Variants in TRABD2B observed in about 807,000 individuals in gnomAD.
TRABD2B encodes metalloprotease TIKI2.
A neutral mutation model predicts 40.1 loss-of-function variants in TRABD2B; 14 were observed. The observed-to-expected ratio is 0.35, with a 90% CI of 0.23 to 0.55. TRABD2B has a LOEUF of 0.55. Among genes scored for constraint, TRABD2B ranks in the 20% least tolerant of loss-of-function variants. The pLI is 0.90. For synonymous variants in TRABD2B, 263 were observed against 277.0 expected (o/e 0.95, Z 0.50); for missense variants, 541 against 648.6 (o/e 0.83, Z 1.80).
chr1:47,837,964 G>A (rs1413232280), intron 2 of TRABD2B, among the ~76,000 whole-genome samples: 3 of 152,178 alleles, frequency 2.0e-5, no homozygotes, highest in Non-Finnish European at 4.4e-5. Flanking sequence ...GCCAGCACGG[G>A]GATTCAAGTA....
At chr1:47,871,380 G>A (rs1300675667) in intron 2 of TRABD2B, among the ~76,000 whole-genome samples, 1 of 152,144 alleles carries the variant, frequency 6.6e-6, no homozygotes, top group Non-Finnish European at 1.5e-5. Flanking sequence ...TTTGAAATCT[G>A]ACAGGAGGCA....
intron 6 of TRABD2B, among the ~76,000 whole-genome samples, chr1:47,767,756 G>A (rs982141288): frequency 2.0e-5 from 3 of 152,228 alleles, no homozygotes; most frequent in Non-Finnish European, 4.4e-5. Context: ...CAGCATGCGT[G>A]CCTTCCTGCC....
intron 2 of TRABD2B, among the ~76,000 whole-genome samples, chr1:47,801,960 T>A (rs1242901350): frequency 1.3e-5 from 2 of 152,202 alleles, no homozygotes; most frequent in East Asian, 3.8e-4. Context: ...TCCTTTGTGT[T>A]CCTGTGCTTA....
At position 47,853,788 on chromosome 1, in the gene TRABD2B, A is replaced by G. The variant is rs183102751; in HGVS notation, c.667-52169T>C. 6.5e-4 allele frequency among the ~76,000 whole-genome samples: 99 copies of G among 152,336 alleles called. 1 individual carries two copies. The highest frequency in any genetic ancestry group is 2.3e-3 in the African/African-American group (96 of 41,590). On this transcript the variant is annotated intron_variant, in intron 2 of 6. Transcript: ENST00000606738. ...ACACAAGCTTAAGCCCCTCTGGCCT[A>G]GAAAACCATAACAAGACTTCTAACT...
Position 47,969,622 on chromosome 1 carries a change from C to T in TRABD2B, c.666+24412G>A, listed in dbSNP as rs1645651989. Among the ~76,000 whole-genome samples, 3 of 152,176 alleles carry T rather than the reference C, an allele frequency of 2.0e-5. No individual in the cohort carries two copies. In the South Asian group the frequency reaches 6.2e-4, roughly 32 times the overall value. ...AGAGACCTCTCAGTCACTGATGTTT[C>T]CCCACACCCAGGTCAGTGACCTAGA... is the stretch of plus-strand genomic sequence containing the variant. On this transcript the variant is annotated intron_variant, in intron 2 of 6. Transcript: ENST00000606738.
chr1:47,996,785 T>A lies in TRABD2B; in HGVS notation c.5A>T (p.His2Leu). The A allele has an allele frequency of 8.3e-7, 1 of 1,204,688 alleles. No homozygotes were observed. The highest frequency in any genetic ancestry group is 1.6e-5 in the African/African-American group (1 of 63,198). The allele number at this position is 1,204,688 out of a possible 1,614,324, so 74.6% of individuals were successfully genotyped here. A position where few individuals can be genotyped will look rare whatever the true frequency, so the allele number is the denominator to read the frequency against. The change falls in exon 1 of 7, where the codon CAC becomes CTC. Residue 2 changes from histidine to leucine, a missense_variant. Around this residue, in one of 2 missense-constraint regions of TRABD2B, gnomAD observed 369 missense variants for 492.8 expected, o/e 0.75. Coordinates refer to ENST00000606738, the MANE Select transcript of TRABD2B (RefSeq NM_001194986.2). This position sits in a 1 kb window ranked among gnomAD's most constrained non-coding sequence, Gnocchi z 4.6. ...GAGCAGCGGCCCCGCCAGGGCGGCGTGCATCCTGCCAGGGCCCGCGGGGCG... is the reference window on the plus strand; with the variant it reads ...GAGCAGCGGCCCCGCCAGGGCGGCGAGCATCCTGCCAGGGCCCGCGGGGCG... MHAALAGPLLAA... is the reference protein window; with the variant it reads MLAALAGPLLAA...
At chr1:47,977,547 T>C (rs1261127331) in intron 2 of TRABD2B, among the ~76,000 whole-genome samples, 2 of 152,032 alleles carry the variant, frequency 1.3e-5, no homozygotes, top group East Asian at 3.9e-4. Context: ...CTCCATTTTA[T>C]ATACGTGAAG....
chr1:47,811,727 C>G (rs1644967867), intron 2 of TRABD2B, among the ~76,000 whole-genome samples: 1 of 152,304 alleles, frequency 6.6e-6, no homozygotes, highest in South Asian at 2.1e-4. Flanking sequence ...GCTTTCAGTA[C>G]AGCTAAGTCC....
chr1:47,795,483 T>C (rs915484380), intron 3 of TRABD2B, among the ~76,000 whole-genome samples: 5 of 152,182 alleles, frequency 3.3e-5, no homozygotes, highest in Non-Finnish European at 5.9e-5. Flanking sequence ...GCAGGGTCAG[T>C]TGAGCTGCCT....
intron 2 of TRABD2B, among the ~76,000 whole-genome samples, chr1:47,909,767 T>TCCCC (rs1553164304): frequency 1.2e-4 from 6 of 49,800 alleles, no homozygotes; most frequent in East Asian, 6.5e-4. Flanking sequence ...CCTCCCTCCC[T>TCCCC]TCCCCTCCCC....
rs12024548 is a variant in TRABD2B, at chr1:47,822,319, A to G, written c.667-20700T>C. The stretch of plus-strand genomic sequence containing the variant: ...CTCCACCTTTCTACTCTGGGCATCT[A>G]TAAGTCCCAGAAATTAGGCCCCTGC... On this transcript the variant is annotated intron_variant, in intron 2 of 6. Coordinates refer to ENST00000606738, the MANE Select transcript of TRABD2B (RefSeq NM_001194986.2). Among the ~76,000 whole-genome samples the G allele has an allele frequency of 4.9e-4, 75 of 152,288 alleles. No homozygotes were observed. In the East Asian group the frequency reaches 8.1e-3, roughly 16 times the overall value.
rs563186577 is a variant in TRABD2B at position 47,902,020 on chromosome 1, C to T, written c.666+92014G>A. Reference sequence around the variant, plus strand: ...CTGATCCCTCCACCCACTCTTCTGCCCACTCCCCTAGTACAACCTTCAATT... The same window carrying T: ...CTGATCCCTCCACCCACTCTTCTGCTCACTCCCCTAGTACAACCTTCAATT... On this transcript the variant is annotated intron_variant, in intron 2 of 6. Coordinates refer to ENST00000606738, the MANE Select transcript of TRABD2B (RefSeq NM_001194986.2). 5.3e-5 allele frequency among the ~76,000 whole-genome samples: 8 copies of T among 152,276 alleles called. No individual in the cohort carries two copies. In the East Asian group the frequency reaches 9.7e-4, roughly 18 times the overall value.
At chr1:47,882,794 T>A (rs138909841) in intron 2 of TRABD2B, among the ~76,000 whole-genome samples, 22 of 151,882 alleles carry the variant, frequency 1.4e-4, no homozygotes, top group African/African-American at 4.8e-4. Flanking sequence ...TGGTAGCTTG[T>A]GGGGAAATTT....
chr1:47,823,959 T>G (rs1006564835), intron 2 of TRABD2B, among the ~76,000 whole-genome samples: 5 of 152,172 alleles, frequency 3.3e-5, no homozygotes, highest in African/African-American at 9.7e-5. Flanking sequence ...TTTGGAAGGT[T>G]GTAGGTGCCT....
intron 2 of TRABD2B, among the ~76,000 whole-genome samples, chr1:47,942,885 G>C (rs962228618): frequency 6.6e-6 from 1 of 152,196 alleles, no homozygotes; most frequent in Non-Finnish European, 1.5e-5. Flanking sequence ...GAGAGCTCAT[G>C]CTTCTTACTT....
intron 2 of TRABD2B, among the ~76,000 whole-genome samples, chr1:47,948,133 C>T (rs1443054055): frequency 1.3e-5 from 2 of 152,024 alleles, no homozygotes; most frequent in Admixed American, 1.3e-4. Context: ...TGACGCAGGC[C>T]GTAAAATCTT....
At chr1:47,986,890 C>G (rs968947468) in intron 2 of TRABD2B, among the ~76,000 whole-genome samples, 1 of 152,150 alleles carries the variant, frequency 6.6e-6, no homozygotes, top group East Asian at 1.9e-4. Flanking sequence ...GCTCGGCCAC[C>G]GGCTGCCTGT....
In TRABD2B at chr1:47,831,110, C is replaced by T. The variant is rs141219837; in HGVS notation, c.667-29491G>A. On this transcript the variant is annotated intron_variant, in intron 2 of 6. Transcript: ENST00000606738. ...CACCTTTGAAGAGTATAGGCAGCTA[C>T]GTGTGCTGGTCTCCTATCCCCATGG... is the stretch of plus-strand genomic sequence containing the variant. 1.6e-3 allele frequency among the ~76,000 whole-genome samples: 236 copies of T among 152,192 alleles called. 1 individual carries two copies. In the East Asian group the frequency reaches 0.04, roughly 26 times the overall value.
At chr1:47,917,523 C>A (rs1012793676) in intron 2 of TRABD2B, among the ~76,000 whole-genome samples, 17 of 151,938 alleles carry the variant, frequency 1.1e-4, no homozygotes, top group African/African-American at 3.6e-4. Context: ...GAGTTTGAGA[C>A]TAGCCTGGGC....
Sources: allele counts gnomAD v4.1 joint callset (sites outside exome capture counted in the v4.1 genomes callset), GRCh38; gene constraint gnomAD v4.1.1; regional missense constraint gnomAD v4.1.1; non-coding constraint Gnocchi (gnomAD v3.1); transcripts MANE v1.5; gene names NCBI Gene and HGNC (gene_info 2026-07-23, HGNC 2026-07-21).